Variants in MMP19 observed in about 807,000 individuals in gnomAD.
MMP19 encodes the protein matrix metalloproteinase-19.
Under a neutral mutation model 46.6 loss-of-function variants are expected in MMP19, and 47 were observed. The ratio of observed to expected loss-of-function variants is 1.01; its 90% CI spans 0.80 to 1.29. MMP19 has a LOEUF of 1.29. Among genes scored for constraint, MMP19 ranks in the 50% most tolerant of loss-of-function variants. The probability of loss-of-function intolerance (pLI) is 0.00; values close to 1 mark genes in which losing one functional copy is unlikely to be tolerated. For missense variants in MMP19, 589 were observed against 643.5 expected (o/e 0.92, Z 0.92); for synonymous variants, 222 against 248.5 (o/e 0.89, Z 1.00).
At chr12:55,838,539 G>C (rs751618957) in intron 6 of MMP19, 67 bp downstream of exon 6, 1 of 1,613,208 alleles carries the variant, frequency 6.2e-7, no homozygotes, top group South Asian at 1.1e-5. Context: ...ACTCCCATTT[G>C]TCCAGGCCTC....
intron 1 of MMP19, 88 bp from the exon 2 acceptor site, chr12:55,842,526 G>A (rs1052682082): frequency 1.3e-5 from 14 of 1,111,860 alleles, no homozygotes; most frequent in Non-Finnish European, 1.8e-5. Context: ...ATCAGGAGAG[G>A]AGGGACCTGA....
In MMP19 at chr12:55,837,430, CCAGG is replaced by C. The variant is rs1160245351; in HGVS notation, c.1189-60_1189-57del. On this transcript the variant is annotated intron_variant, in intron 8 of 8. Coordinates refer to ENST00000322569, the MANE Select transcript of MMP19 (RefSeq NM_002429.6). ...AGGAAGAGGAGAGAGCTTAGGACCCCCAGGGGTCCACCCCCAGCCCACTGCAGCT... is the reference window on the plus strand; with the variant it reads ...AGGAAGAGGAGAGAGCTTAGGACCCCGGTCCACCCCCAGCCCACTGCAGCT... The C allele has an allele frequency of 3.2e-6, 5 of 1,575,274 alleles. No individual in the cohort carries two copies. The African/African-American group carries it at 5.4e-5, about 17-fold the overall frequency.
At chr12:55,842,605 A>C in intron 1 of MMP19, 139 bp downstream of exon 1, 1 of 857,986 alleles carries the variant, frequency 1.2e-6, no homozygotes, top group Non-Finnish European at 1.9e-6. Context: ...GCAGCGGGAG[A>C]TGGGCAGGGT....
intron 2 of MMP19, among the ~76,000 whole-genome samples, chr12:55,841,909 T>G (rs980752890): frequency 1.3e-5 from 2 of 152,182 alleles, no homozygotes; most frequent in African/African-American, 4.8e-5. Context: ...TCATAGGGCC[T>G]AGGGGCTTTT....
rs1881275455 is a variant in MMP19, at chr12:55,837,122, G to T, written c.1441C>A (p.Pro481Thr). ...GAGGGAGTGGTATTCCCACCTGATG[G>T]GGTAGTGTCTATAGTCCGGGGACGA... Reference protein sequence around the residue: ...HCRPRTIDTTPSGGNTTPSGT... With the variant: ...HCRPRTIDTTTSGGNTTPSGT... The change falls in exon 9 of 9, where the codon CCA (proline) becomes ACA (threonine). Residue 481 changes from proline to threonine, a missense_variant. Physicochemically the swap from Pro to Thr is conservative, Grantham distance 38 (BLOSUM62 -1). Transcript: ENST00000322569. 1 of 1,613,744 alleles carries T rather than the reference G, an allele frequency of 6.2e-7. No homozygotes were observed. The highest frequency in any genetic ancestry group is 1.3e-5 in the African/African-American group (1 of 74,916).
chr12:55,837,929 C>T lies in MMP19; in HGVS notation c.974G>A (p.Arg325Gln), dbSNP rs1881373058. ...VSDSGPGPLF[R>Q]VSALWEGLPG... ...GAGCCCCTCCCAAAGGGCAGACACT[C>T]GGAACAAGGGGCCCGGTCCTGAATC... Residue 325 changes from arginine to glutamine, a missense_variant, in exon 7 of 9, where the codon CGA becomes CAA. By Grantham distance (43) the Arg-to-Gln change is conservative. Transcript: ENST00000322569. 4.3e-6 allele frequency: 7 copies of T among 1,613,050 alleles called. No homozygotes were observed. Among genetic ancestry groups the T allele is most frequent in the Admixed American group, 1.7e-5 (1 of 59,952 alleles).
In MMP19 at chr12:55,841,145, C is replaced by T. The variant is rs267603575; in HGVS notation, c.265G>A (p.Asp89Asn). 6.2e-7 allele frequency: 1 copy of T among 1,613,644 alleles called. No homozygotes were observed. The highest frequency in any genetic ancestry group is 8.5e-7 in the Non-Finnish European group (1 of 1,179,932). ...RMRQPRCGLE[D>N]PFNQKTLKYL... The stretch of plus-strand genomic sequence containing the variant: ...TTAAGGGTCTTCTGGTTGAAGGGAT[C>T]CTCTAGGCCACAACGAGGCTGCCTC... Residue 89 changes from aspartate (D) to asparagine (N), a missense_variant, in exon 3 of 9, where the codon GAT (aspartate) becomes AAT (asparagine). Physicochemically the swap from Asp to Asn is conservative, Grantham distance 23. Coordinates refer to ENST00000322569, the MANE Select transcript of MMP19 (RefSeq NM_002429.6).
chr12:55,840,633 G>T, intron 4 of MMP19, 34 bp downstream of exon 4: 1 of 1,583,792 alleles, frequency 6.3e-7, no homozygotes. Context: ...AATCTCAGAG[G>T]TCTATGAGGT....
Position 55,841,243 on chromosome 12 carries a change from G to A in MMP19, c.174-7C>T. 1 of 1,610,712 alleles carries A rather than the reference G, an allele frequency of 6.2e-7. No individual in the cohort carries two copies. Among genetic ancestry groups the A allele is most frequent in the Non-Finnish European group, 8.5e-7 (1 of 1,179,094 alleles). ...AGATGCTTCCTGAAAAGCTCTGAAG[G>A]AGGGAGAGGGATGGGTCTACCAGGA... On this transcript the variant is annotated splice_polypyrimidine_tract_variant and splice_region_variant and intron_variant, in intron 2 of 8. Coordinates refer to ENST00000322569, the MANE Select transcript of MMP19 (RefSeq NM_002429.6).
intron 4 of MMP19, chr12:55,840,042 G>A: frequency 3.0e-6 from 1 of 338,872 alleles, no homozygotes; most frequent in Non-Finnish European, 5.4e-6. Context: ...AGAAGCATAG[G>A]CAGCCAGGGG....
chr12:55,838,760 G>A, intron 5 of MMP19, 26 bp from the exon 6 acceptor site: 2 of 1,536,882 alleles, frequency 1.3e-6, no homozygotes, highest in Non-Finnish European at 1.8e-6. Flanking sequence ...ATGCTGCTTA[G>A]GGAGAGAACT....
intron 5 of MMP19, among the ~76,000 whole-genome samples, chr12:55,839,135 G>A (rs1881481532): frequency 6.6e-6 from 1 of 151,862 alleles, no homozygotes; most frequent in Non-Finnish European, 1.5e-5. Context: ...CCAGCTACTT[G>A]GGAGGCTGAG....
chr12:55,842,843 C>T lies in MMP19; in HGVS notation c.-13G>A, dbSNP rs370589430. 73 of 1,583,060 alleles carry T rather than the reference C, an allele frequency of 4.6e-5. No individual in the cohort carries two copies. Among genetic ancestry groups the T allele is most frequent in the Middle Eastern group, 3.3e-4 (2 of 6,054 alleles). The stretch of plus-strand genomic sequence containing the variant: ...GCTGGCAGTTCATGGTCCCACCAGA[C>T]GAGAGCTCCAGAGGCTGTCCGTGCC... On this transcript the variant is annotated 5_prime_UTR_variant, in exon 1 of 9. Transcript: ENST00000322569.
rs746455799 is a variant in MMP19 at position 55,839,505 on chromosome 12, C to T, written c.757G>A (p.Ala253Thr). 37 of 1,609,142 alleles carry T rather than the reference C, an allele frequency of 2.3e-5. No homozygotes were observed. The East Asian group carries it at 7.8e-4, about 34-fold the overall frequency. ...AGGGGGAGGGACTGACCATAGAGAGCCTGGATCCCTGCCACATCATCTGGG... is the reference window on the plus strand; with the variant it reads ...AGGGGGAGGGACTGACCATAGAGAGTCTGGATCCCTGCCACATCATCTGGG... ...LHPDDVAGIQ[A>T]LYGKKSPVIR... is the part of the protein sequence containing the mutation. The change falls in exon 5 of 9, where the codon GCT (alanine) becomes ACT (threonine). Residue 253 changes from alanine to threonine, a missense_variant. Ala to Thr is a moderately conservative substitution (Grantham distance 58, BLOSUM62 0). Coordinates refer to ENST00000322569, the MANE Select transcript of MMP19 (RefSeq NM_002429.6).
intron 4 of MMP19, 36 bp downstream of exon 4, chr12:55,840,631 A>T (rs1881614658): frequency 6.3e-7 from 1 of 1,579,844 alleles, no homozygotes; most frequent in Admixed American, 1.7e-5. Context: ...GTAATCTCAG[A>T]GGTCTATGAG....
rs1233217300 is a variant in MMP19, at chr12:55,842,863, C to T, written c.-33G>A. The T allele has an allele frequency of 9.8e-6, 15 of 1,533,676 alleles. No individual in the cohort carries two copies. Among genetic ancestry groups the T allele is most frequent in the African/African-American group, 9.6e-5 (7 of 73,060 alleles). On this transcript the variant is annotated 5_prime_UTR_variant, in exon 1 of 9. Coordinates refer to ENST00000322569, the MANE Select transcript of MMP19 (RefSeq NM_002429.6). The stretch of plus-strand genomic sequence containing the variant: ...CCAGACGAGAGCTCCAGAGGCTGTC[C>T]GTGCCTCTGACCTGAGATTTCTGGG...
chr12:55,840,891 T>A lies in MMP19; in HGVS notation c.305-9A>T, dbSNP rs188273683. 6.4e-7 allele frequency: 1 copy of A among 1,570,910 alleles called. No individual in the cohort carries two copies. The highest frequency in any genetic ancestry group is 1.2e-5 in the South Asian group (1 of 85,556). ...CTTCTTTCTCCAGCGGCCTAGTTAATGACCAGAAAACAGATTAGAAATACA... is the reference window on the plus strand; with the variant it reads ...CTTCTTTCTCCAGCGGCCTAGTTAAAGACCAGAAAACAGATTAGAAATACA... On this transcript the variant is annotated splice_polypyrimidine_tract_variant and intron_variant, in intron 3 of 8. Coordinates refer to ENST00000322569, the MANE Select transcript of MMP19 (RefSeq NM_002429.6).
At chr12:55,839,806 T>C in intron 4 of MMP19, 65 bp from the exon 5 acceptor site, 1 of 1,523,050 alleles carries the variant, frequency 6.6e-7, no homozygotes, top group South Asian at 1.2e-5. Flanking sequence ...ACACCCTGCC[T>C]ATTATAAACT....
intron 5 of MMP19, among the ~76,000 whole-genome samples, chr12:55,839,151 A>G (rs1441311633): frequency 6.7e-6 from 1 of 150,204 alleles, no homozygotes; most frequent in Non-Finnish European, 1.5e-5. Context: ...CTGAGGCAGG[A>G]GAATGGCTTG....
Sources: gnomAD v4.1 joint callset for allele counts (sites outside exome capture counted in the v4.1 genomes callset) on GRCh38, gnomAD v4.1.1 for gene constraint, MANE v1.5 for transcripts, NCBI Gene and HGNC (gene_info 2026-07-23, HGNC 2026-07-21) for gene names.